ERBB4: variants seen among roughly 807,000 people sequenced by gnomAD.
ERBB4 encodes erb-b2 receptor tyrosine kinase 4.
Under a neutral mutation model 158.0 loss-of-function variants are expected in ERBB4, and 42 were observed. The ratio of observed to expected loss-of-function variants is 0.27; its 90% CI spans 0.21 to 0.34. The LOEUF (loss-of-function observed/expected upper bound fraction) is 0.34, where lower values mean the gene tolerates loss of function less well. ERBB4 is among the 10% of genes least tolerant of loss of function. The pLI is 1.00. For missense variants in ERBB4, 1,333 were observed against 1,624.1 expected (o/e 0.82, Z 3.08); for synonymous variants, 583 against 558.7 (o/e 1.04, Z -0.61).
intron 1 of ERBB4, among the ~76,000 whole-genome samples, chr2:212,339,137 A>C (rs2088583777): frequency 6.6e-6 from 1 of 152,100 alleles, no homozygotes; most frequent in Non-Finnish European, 1.5e-5. Context: ...AGCATGCATT[A>C]GCTATCTTTC....
chr2:211,980,781 A>G (rs2125229513), intron 2 of ERBB4, among the ~76,000 whole-genome samples: 1 of 152,322 alleles, frequency 6.6e-6, no homozygotes, highest in Non-Finnish European at 1.5e-5. Flanking sequence ...TGTGATTACT[A>G]GCTCATGTCT....
intron 1 of ERBB4, among the ~76,000 whole-genome samples, chr2:212,127,453 C>G (rs1026554022): frequency 4.6e-5 from 7 of 151,968 alleles, no homozygotes; most frequent in East Asian, 1.9e-4. Flanking sequence ...TTAGCCGGGC[C>G]TGGTGGCGGG....
chr2:211,675,959 CCAA>C (rs1284648811), intron 13 of ERBB4, among the ~76,000 whole-genome samples: 4 of 151,728 alleles, frequency 2.6e-5, no homozygotes, highest in African/African-American at 7.3e-5. Context: ...GGTAGAAACT[CCAA>C]CAAGATCTTA....
intron 20 of ERBB4, among the ~76,000 whole-genome samples, chr2:211,536,859 C>T (rs1169134088): frequency 1.3e-5 from 2 of 151,804 alleles, no homozygotes; most frequent in Non-Finnish European, 2.9e-5. Context: ...TGCAACATAA[C>T]GTCCATCACC....
chr2:212,330,858 A>G (rs992878822), intron 1 of ERBB4, among the ~76,000 whole-genome samples: 2 of 151,352 alleles, frequency 1.3e-5, no homozygotes, highest in Non-Finnish European at 2.9e-5. Context: ...CCTACTGGGT[A>G]GATTTTACCA....
At chr2:212,514,977 A>C (rs750891802) in intron 1 of ERBB4, among the ~76,000 whole-genome samples, 2 of 152,250 alleles carry the variant, frequency 1.3e-5, no homozygotes, top group Non-Finnish European at 2.9e-5. Flanking sequence ...AAAATGTGAA[A>C]ATATTTTTAA....
At chr2:212,338,633 C>T (rs941734553) in intron 1 of ERBB4, among the ~76,000 whole-genome samples, 5 of 152,110 alleles carry the variant, frequency 3.3e-5, no homozygotes, top group Admixed American at 2.0e-4. Context: ...GATATACCTA[C>T]ACAACTCATT....
intron 1 of ERBB4, among the ~76,000 whole-genome samples, chr2:212,151,933 T>C (rs1382768855): frequency 6.6e-6 from 1 of 152,202 alleles, no homozygotes; most frequent in Non-Finnish European, 1.5e-5. Context: ...ATAAGAATAC[T>C]AGTGTTACTA....
intron 22 of ERBB4, among the ~76,000 whole-genome samples, chr2:211,427,214 A>G (rs1468366805): frequency 7.2e-6 from 1 of 138,468 alleles, no homozygotes; most frequent in Non-Finnish European, 1.7e-5. Context: ...AATGGTTTAT[A>G]TCTTTTTTTT....
intron 2 of ERBB4, among the ~76,000 whole-genome samples, chr2:212,108,061 A>T (rs1446451848): frequency 6.6e-6 from 1 of 152,236 alleles, no homozygotes; most frequent in Non-Finnish European, 1.5e-5. Context: ...CAGAGAGTTA[A>T]ATAAATATAT....
chr2:211,999,837 C>G (rs781486594), intron 2 of ERBB4, among the ~76,000 whole-genome samples: 1 of 151,476 alleles, frequency 6.6e-6, no homozygotes, highest in Admixed American at 6.6e-5. Flanking sequence ...TATTTCCTTA[C>G]CAAGTTTAGT....
At chr2:211,534,952 C>T (rs2066605588) in intron 20 of ERBB4, among the ~76,000 whole-genome samples, 1 of 152,078 alleles carries the variant, frequency 6.6e-6, no homozygotes, top group African/African-American at 2.4e-5. Context: ...ACAGGCTAAC[C>T]TTGGTCTTTC....
At chr2:212,508,034 T>C (rs1315557684) in intron 1 of ERBB4, among the ~76,000 whole-genome samples, 1 of 152,170 alleles carries the variant, frequency 6.6e-6, no homozygotes, top group African/African-American at 2.4e-5. Flanking sequence ...ACCACCACCC[T>C]GATTGGTCAG....
chr2:211,586,025 C>T (rs1459667478), intron 19 of ERBB4, among the ~76,000 whole-genome samples: 2 of 152,084 alleles, frequency 1.3e-5, no homozygotes, highest in African/African-American at 4.8e-5. Flanking sequence ...CAAAATATTT[C>T]CTGCCTTCCT....
intron 24 of ERBB4, 107 bp from the exon 25 acceptor site, chr2:211,420,718 C>A: frequency 1.0e-6 from 1 of 983,578 alleles, no homozygotes; most frequent in Non-Finnish European, 1.6e-6. Context: ...TTGAAAAATT[C>A]ATACACACAT....
At chr2:212,426,213 G>A (rs1024289463) in intron 1 of ERBB4, 3 of 487,552 alleles carry the variant, frequency 6.2e-6, no homozygotes, top group African/African-American at 4.2e-5. Flanking sequence ...CTGAGAATAA[G>A]TTTTGAATTG....
At chr2:211,667,646 A>G (rs768953635) in intron 14 of ERBB4, among the ~76,000 whole-genome samples, 1 of 152,194 alleles carries the variant, frequency 6.6e-6, no homozygotes, top group African/African-American at 2.4e-5. Flanking sequence ...GACTTATTGT[A>G]CAAGACAAGA....
chr2:212,348,326 C>T (rs2089105787), intron 1 of ERBB4, among the ~76,000 whole-genome samples: 1 of 152,016 alleles, frequency 6.6e-6, no homozygotes, highest in South Asian at 2.1e-4. Context: ...AGTGTGGCCA[C>T]AATACCTCAA....
At chr2:211,741,053 G>C (rs2074779114) in intron 5 of ERBB4, among the ~76,000 whole-genome samples, 1 of 152,158 alleles carries the variant, frequency 6.6e-6, no homozygotes, top group South Asian at 2.1e-4. Context: ...GTAAGTGCTT[G>C]CTTTTCCTAG....
Sources: allele counts gnomAD v4.1 joint callset (sites outside exome capture counted in the v4.1 genomes callset), GRCh38; gene constraint gnomAD v4.1.1; transcripts MANE v1.5; gene names NCBI Gene and HGNC (gene_info 2026-07-23, HGNC 2026-07-21).